Variants in CDIN1 observed in about 807,000 individuals in gnomAD.
The protein encoded by CDIN1 is CDAN1-interacting nuclease 1.
Under a neutral mutation model 45.3 loss-of-function variants are expected in CDIN1, and 33 were observed. That is an observed-to-expected ratio of 0.73 (90% CI 0.55 to 0.97). The LOEUF is 0.97. Among genes scored for constraint, CDIN1 ranks in the 50% least tolerant of loss-of-function variants. The pLI, the probability that CDIN1 is intolerant of heterozygous loss-of-function variation, is 0.00. For synonymous variants in CDIN1, 118 were observed against 124.4 expected (o/e 0.95, Z 0.34); for missense variants, 303 against 339.4 (o/e 0.89, Z 0.84).
intron 1 of CDIN1, among the ~76,000 whole-genome samples, chr15:36,584,999 T>G (rs958309086): frequency 2.0e-5 from 3 of 152,252 alleles, no homozygotes; most frequent in Non-Finnish European, 4.4e-5. Context: ...AGGACATATT[T>G]ATTGATTGAC....
At chr15:36,672,853 G>T (rs1159324849) in intron 5 of CDIN1, among the ~76,000 whole-genome samples, 2 of 151,062 alleles carry the variant, frequency 1.3e-5, no homozygotes, top group African/African-American at 4.9e-5. Context: ...TTTTATTTTT[G>T]AATAATGAGA....
intron 1 of CDIN1, among the ~76,000 whole-genome samples, chr15:36,642,778 A>G (rs1038220301): frequency 2.6e-5 from 4 of 152,070 alleles, no homozygotes; most frequent in African/African-American, 4.8e-5. Context: ...ATTTATTTCT[A>G]TCATCTTTTT....
intron 1 of CDIN1, among the ~76,000 whole-genome samples, chr15:36,615,160 ATAT>A (rs1344263971): frequency 1.3e-5 from 2 of 152,196 alleles, no homozygotes; most frequent in Non-Finnish European, 2.9e-5. Flanking sequence ...TTTAAAATTT[ATAT>A]TATTTTGAAA....
rs1452006538 is a variant in CDIN1 at position 36,637,393 on chromosome 15, C to T, written c.102-6885C>T. ...AAACAAAATAAAAGAATAAATTGGACTTCATCAACTGAAAAAACTTTTGTA... is the reference window on the plus strand; with the variant it reads ...AAACAAAATAAAAGAATAAATTGGATTTCATCAACTGAAAAAACTTTTGTA... On this transcript the variant is annotated intron_variant, in intron 1 of 10. Transcript: ENST00000566621. 2.0e-5 allele frequency among the ~76,000 whole-genome samples: 3 copies of T among 152,130 alleles called. No individual in the cohort carries two copies. The East Asian group carries it at 5.8e-4, about 29-fold the overall frequency.
chr15:36,733,988 ATTGTC>A (rs1341878659), intron 10 of CDIN1, among the ~76,000 whole-genome samples: 1 of 152,112 alleles, frequency 6.6e-6, no homozygotes, highest in African/African-American at 2.4e-5. Flanking sequence ...TAATAGGGGT[ATTGTC>A]TTCTTATCCT....
At chr15:36,769,627 A>T (rs1177726724) in intron 10 of CDIN1, among the ~76,000 whole-genome samples, 1 of 152,194 alleles carries the variant, frequency 6.6e-6, no homozygotes, top group African/African-American at 2.4e-5. Flanking sequence ...TAATGCATAA[A>T]ATTTAACCAT....
chr15:36,696,093 A>G (rs2042415073), intron 7 of CDIN1, among the ~76,000 whole-genome samples: 1 of 152,162 alleles, frequency 6.6e-6, no homozygotes, highest in Non-Finnish European at 1.5e-5. Flanking sequence ...GGTTCCTTCT[A>G]GGCCTCGGTT....
chr15:36,583,587 G>A (rs757318340), intron 1 of CDIN1, among the ~76,000 whole-genome samples: 4 of 151,972 alleles, frequency 2.6e-5, no homozygotes, highest in Admixed American at 6.6e-5. Context: ...TAATGTCTTC[G>A]GTAGGGCTTT....
At chr15:36,670,464 C>T (rs575351115) in intron 5 of CDIN1, among the ~76,000 whole-genome samples, 2 of 152,186 alleles carry the variant, frequency 1.3e-5, no homozygotes, top group South Asian at 2.1e-4. Context: ...TTAACAGACA[C>T]CTTTGTATTT....
At chr15:36,726,968 A>G (rs931701173) in intron 10 of CDIN1, among the ~76,000 whole-genome samples, 2 of 152,212 alleles carry the variant, frequency 1.3e-5, no homozygotes, top group Non-Finnish European at 2.9e-5. Flanking sequence ...TTCTATATAT[A>G]TCTTTCCCTC....
At chr15:36,613,532 G>A in intron 1 of CDIN1, 2 of 1,523,594 alleles carry the variant, frequency 1.3e-6, no homozygotes, top group Non-Finnish European at 9.0e-7. Flanking sequence ...GCAGCAGCAG[G>A]CAGATGATGC....
intron 5 of CDIN1, among the ~76,000 whole-genome samples, chr15:36,675,879 C>T (rs939877499): frequency 6.6e-6 from 1 of 152,034 alleles, no homozygotes; most frequent in Non-Finnish European, 1.5e-5. Flanking sequence ...TGGTATTTGT[C>T]TCTCCTTAAA....
chr15:36,658,010 C>A (rs1390927965), intron 5 of CDIN1, 105 bp downstream of exon 5: 21 of 909,616 alleles, frequency 2.3e-5, no homozygotes, highest in Non-Finnish European at 3.6e-5. Context: ...GATTCCAAAA[C>A]AGCTATCATG....
chr15:36,653,585 A>G (rs2040659295), intron 3 of CDIN1, among the ~76,000 whole-genome samples: 1 of 151,990 alleles, frequency 6.6e-6, no homozygotes, highest in Non-Finnish European at 1.5e-5. Flanking sequence ...CCACAAATCT[A>G]GGGCAGATAA....
rs552642789 is a variant in CDIN1, at chr15:36,596,314, A to G, written c.101+16353A>G. ...ATATAAACCTACTGCTCTGAAAGGA[A>G]ATATTAGAGGGGGAATATTATGGTT... On this transcript the variant is annotated intron_variant, in intron 1 of 10. Transcript: ENST00000566621. Among the ~76,000 whole-genome samples the G allele has an allele frequency of 2.0e-5, 3 of 152,292 alleles. No homozygotes were observed. In the South Asian group the frequency reaches 6.2e-4, roughly 32 times the overall value.
intron 1 of CDIN1, among the ~76,000 whole-genome samples, chr15:36,589,546 C>T (rs895070841): frequency 2.0e-5 from 3 of 151,842 alleles, no homozygotes; most frequent in African/African-American, 7.3e-5. Flanking sequence ...TGCTCTGCTT[C>T]CCAGGCTGGA....
At chr15:36,605,658 T>C (rs2038329033) in intron 1 of CDIN1, among the ~76,000 whole-genome samples, 2 of 152,248 alleles carry the variant, frequency 1.3e-5, no homozygotes, top group African/African-American at 2.4e-5. Context: ...TGTTGTTGAC[T>C]GTCCCCATTT....
intron 8 of CDIN1, chr15:36,706,586 A>G (rs2042873634): frequency 6.6e-6 from 1 of 151,498 alleles, no homozygotes. Context: ...GCACTCCCAC[A>G]TGGGCGACAG....
chr15:36,631,429 GT>G (rs776480665), intron 1 of CDIN1, among the ~76,000 whole-genome samples: 3 of 152,044 alleles, frequency 2.0e-5, no homozygotes, highest in Non-Finnish European at 4.4e-5. Context: ...TCCCCTCCTT[GT>G]CCCTGACAAC....
Sources: allele counts gnomAD v4.1 joint callset (sites outside exome capture counted in the v4.1 genomes callset), GRCh38; gene constraint gnomAD v4.1.1; transcripts MANE v1.5; gene names NCBI Gene and HGNC (gene_info 2026-07-23, HGNC 2026-07-21).